Variants in BICD1 observed in about 807,000 individuals in gnomAD.
The protein encoded by BICD1 is protein bicaudal D homolog 1.
In BICD1, 35 loss-of-function variants were observed where a neutral mutation model predicts 92.5. That is an observed-to-expected ratio of 0.38 (90% CI 0.29 to 0.50). The LOEUF (loss-of-function observed/expected upper bound fraction) is 0.50. Among genes scored for constraint, BICD1 ranks in the 20% least tolerant of loss-of-function variants. The pLI is 0.93. For synonymous variants in BICD1, 429 were observed against 465.1 expected (o/e 0.92, Z 1.00); for missense variants, 950 against 1,189.8 (o/e 0.80, Z 2.97).
chr12:32,309,070 G>C (rs1431171778), intron 4 of BICD1, among the ~76,000 whole-genome samples: 1 of 152,070 alleles, frequency 6.6e-6, no homozygotes, highest in Non-Finnish European at 1.5e-5. Context: ...GTATATTCAT[G>C]AGAAGTATAC....
chr12:32,133,237 C>T (rs1592351442), intron 1 of BICD1, among the ~76,000 whole-genome samples: 1 of 151,972 alleles, frequency 6.6e-6, no homozygotes, highest in South Asian at 2.1e-4. Flanking sequence ...CCTGTAATCC[C>T]AGCACTTTGG....
chr12:32,322,343 T>G (rs1029679821), intron 4 of BICD1, among the ~76,000 whole-genome samples: 1 of 151,742 alleles, frequency 6.6e-6, no homozygotes, highest in African/African-American at 2.4e-5. Context: ...GTCCCCAACT[T>G]TTTTTGGACC....
chr12:32,261,377 G>T (rs1340384331), intron 2 of BICD1, among the ~76,000 whole-genome samples: 1 of 152,134 alleles, frequency 6.6e-6, no homozygotes, highest in African/African-American at 2.4e-5. Flanking sequence ...GTGCTTGTTG[G>T]TCAGTTGGAT....
intron 5 of BICD1, among the ~76,000 whole-genome samples, chr12:32,333,646 C>A (rs1937977453): frequency 6.6e-6 from 1 of 152,140 alleles, no homozygotes; most frequent in Non-Finnish European, 1.5e-5. Flanking sequence ...TTGTAAAAAT[C>A]ATGTGTTCCC....
At chr12:32,268,463 T>G (rs912220369) in intron 2 of BICD1, among the ~76,000 whole-genome samples, 2 of 152,210 alleles carry the variant, frequency 1.3e-5, no homozygotes, top group African/African-American at 2.4e-5. Flanking sequence ...CAAAAGTCAG[T>G]GCCACAGCAA....
intron 1 of BICD1, among the ~76,000 whole-genome samples, chr12:32,203,597 C>A (rs117996055): frequency 6.6e-6 from 1 of 152,104 alleles, no homozygotes; most frequent in Non-Finnish European, 1.5e-5. Context: ...CGGCCCATTT[C>A]GGATTAAAGG....
At chr12:32,292,557 T>C (rs1947753678) in intron 2 of BICD1, among the ~76,000 whole-genome samples, 1 of 152,238 alleles carries the variant, frequency 6.6e-6, no homozygotes, top group Admixed American at 6.5e-5. Flanking sequence ...TGCATCTGGC[T>C]TATTTCAGTC....
rs570031000 is a variant in BICD1 at position 32,177,812 on chromosome 12, A to G, written c.214-38435A>G. 1.8e-3 allele frequency among the ~76,000 whole-genome samples: 223 copies of G among 125,846 alleles called. 3 individuals are homozygous for G. The highest frequency in any genetic ancestry group is 3.5e-3 in the Non-Finnish European group (202 of 58,384). 82.6% of individuals were successfully genotyped at this position (125,846 alleles called of 152,430 possible). On this transcript the variant is annotated intron_variant, in intron 1 of 9. Coordinates refer to ENST00000652176, the MANE Select transcript of BICD1 (RefSeq NM_001714.4). ...TTATAAAAATATAAATATTTATATA[A>G]AATATAAAATATTTATTGCAAAAAC...
chr12:32,178,753 C>T (rs1944190010), intron 1 of BICD1, among the ~76,000 whole-genome samples: 1 of 151,960 alleles, frequency 6.6e-6, no homozygotes, highest in Non-Finnish European at 1.5e-5. Flanking sequence ...GCTTGTTGGT[C>T]TGAGCAGCCT....
At chr12:32,193,459 G>A (rs1211173811) in intron 1 of BICD1, among the ~76,000 whole-genome samples, 1 of 152,168 alleles carries the variant, frequency 6.6e-6, no homozygotes, top group African/African-American at 2.4e-5. Flanking sequence ...GATGTGACTT[G>A]TTTTATTGTG....
intron 3 of BICD1, among the ~76,000 whole-genome samples, chr12:32,301,398 T>G (rs565281629): frequency 1.3e-5 from 2 of 152,072 alleles, no homozygotes; most frequent in East Asian, 3.9e-4. Context: ...TGGAAAAGGT[T>G]GGAGAGAGTC....
intron 1 of BICD1, among the ~76,000 whole-genome samples, chr12:32,200,218 CAGA>C (rs1944866733): frequency 2.0e-5 from 3 of 152,278 alleles, no homozygotes; most frequent in African/African-American, 7.2e-5. Flanking sequence ...TGAACACCTC[CAGA>C]AACCAAGGAG....
At chr12:32,151,874 G>T (rs997454208) in intron 1 of BICD1, among the ~76,000 whole-genome samples, 1 of 152,166 alleles carries the variant, frequency 6.6e-6, no homozygotes, top group African/African-American at 2.4e-5. Context: ...GGCCATAGTG[G>T]AAGATGGAGG....
At chr12:32,160,832 TC>T (rs772317198) in intron 1 of BICD1, among the ~76,000 whole-genome samples, 3 of 152,154 alleles carry the variant, frequency 2.0e-5, no homozygotes, top group Non-Finnish European at 2.9e-5. Flanking sequence ...TTTTGTTTTT[TC>T]CCCTCTTATT....
In BICD1 at chr12:32,327,672, A is replaced by AT; in HGVS notation, c.1218dup (p.Glu407Ter). ...GACTCAGGGGAGGAGGCCCATGACT[A>AT]TGAGGTGGACATCAATGGTTTAGAG... On this transcript the variant is annotated frameshift_variant, in exon 5 of 10. Coordinates refer to ENST00000652176, the MANE Select transcript of BICD1 (RefSeq NM_001714.4). LOFTEE classifies it high-confidence loss of function. 6.2e-7 allele frequency: 1 copy of AT among 1,614,104 alleles called. No homozygotes were observed. The highest frequency in any genetic ancestry group is 8.5e-7 in the Non-Finnish European group (1 of 1,180,004).
intron 2 of BICD1, among the ~76,000 whole-genome samples, chr12:32,218,371 G>A (rs1019629089): frequency 1.3e-5 from 2 of 152,110 alleles, no homozygotes; most frequent in Non-Finnish European, 2.9e-5. Flanking sequence ...ATGAACACGG[G>A]GCCCCCTCGC....
intron 9 of BICD1, among the ~76,000 whole-genome samples, chr12:32,375,286 T>G (rs1370548552): frequency 6.6e-6 from 1 of 151,864 alleles, no homozygotes; most frequent in Non-Finnish European, 1.5e-5. Flanking sequence ...CTCAGCACTT[T>G]GAGAGGCCGA....
chr12:32,274,012 A>G (rs760475957), intron 2 of BICD1, among the ~76,000 whole-genome samples: 15 of 152,202 alleles, frequency 9.9e-5, no homozygotes, highest in Non-Finnish European at 1.9e-4. Context: ...AGAGAGAATC[A>G]GCTGAGAAAG....
At chr12:32,262,113 T>C (rs1946875477) in intron 2 of BICD1, among the ~76,000 whole-genome samples, 1 of 152,246 alleles carries the variant, frequency 6.6e-6, no homozygotes, top group Non-Finnish European at 1.5e-5. Context: ...GTGCATTACC[T>C]ATAAATGTCC....
Sources: gnomAD v4.1 joint callset for allele counts (sites outside exome capture counted in the v4.1 genomes callset) on GRCh38, gnomAD v4.1.1 for gene constraint, MANE v1.5 for transcripts, NCBI Gene and HGNC (gene_info 2026-07-23, HGNC 2026-07-21) for gene names.